The following ADAMTSL1 variants were observed in gnomAD, a reference collection of about 807,000 sequenced individuals.
ADAMTSL1 encodes the protein ADAMTS like 1, also known as ADAMTS-like protein 1.
ADAMTSL1 carries 126 observed loss-of-function variants against 201.8 expected under a neutral mutation model. The ratio of observed to expected loss-of-function variants is 0.62; its 90% CI spans 0.54 to 0.72. ADAMTSL1 has a LOEUF of 0.72. ADAMTSL1 is among the 30% of genes least tolerant of loss of function. The probability of loss-of-function intolerance (pLI) is 0.00; values close to 1 mark genes in which losing one functional copy is unlikely to be tolerated. For synonymous variants in ADAMTSL1, 1,121 were observed against 903.4 expected, an observed-to-expected ratio of 1.24 and a Z score of -4.32; for missense variants, 2,679 against 2,277.8, an observed-to-expected ratio of 1.18 and a Z score of -3.59.
At chr9:18,841,911 A>G (rs1006038358) in intron 23 of ADAMTSL1, among the ~76,000 whole-genome samples, 8 of 151,980 alleles carry the variant, frequency 5.3e-5, no homozygotes, top group East Asian at 1.9e-4. Flanking sequence ...TATTGCGTCT[A>G]TTTGATTCTT....
chr9:18,653,080 C>T (rs772756438), intron 7 of ADAMTSL1, among the ~76,000 whole-genome samples: 18 of 152,168 alleles, frequency 1.2e-4, no homozygotes, highest in South Asian at 2.1e-4. Flanking sequence ...AGATGCCAAG[C>T]GTTTAGAACT....
intron 2 of ADAMTSL1, among the ~76,000 whole-genome samples, chr9:18,465,868 C>A (rs557859047): frequency 6.6e-6 from 1 of 152,218 alleles, no homozygotes; most frequent in East Asian, 1.9e-4. Flanking sequence ...TCTGCCTCAG[C>A]CTCCAGAGTA....
intron 2 of ADAMTSL1, among the ~76,000 whole-genome samples, chr9:18,234,627 C>G (rs145144564): frequency 6.6e-6 from 1 of 152,170 alleles, no homozygotes; most frequent in Non-Finnish European, 1.5e-5. Flanking sequence ...CCCACCAAGA[C>G]TGACAATTGT....
Position 17,910,482 on chromosome 9 carries a change from C to G in ADAMTSL1, c.87+3560C>G, listed in dbSNP as rs1178308297. Among the ~76,000 whole-genome samples the G allele has an allele frequency of 4.4e-5, 3 of 68,464 alleles. 1 individual carries two copies. Among genetic ancestry groups the G allele is most frequent in the African/African-American group, 8.9e-5 (3 of 33,876 alleles). The allele number at this position is 68,464 out of a possible 152,430, so 44.9% of individuals were successfully genotyped here. A position where few individuals can be genotyped will look rare whatever the true frequency, so the allele number is the denominator to read the frequency against. ...TCCTAACATTACACACATGTTCTTT[C>G]CTGTGCCACTTCTTAACCATTTCTT... On this transcript the variant is annotated intron_variant, in intron 1 of 29. Transcript: ENST00000680146.
intron 1 of ADAMTSL1, among the ~76,000 whole-genome samples, chr9:17,908,432 T>C (rs966227971): frequency 6.6e-6 from 1 of 151,706 alleles, no homozygotes; most frequent in Non-Finnish European, 1.5e-5. Flanking sequence ...TAAAACCCAA[T>C]GTGCAAAAAT....
intron 1 of ADAMTSL1, among the ~76,000 whole-genome samples, chr9:18,017,200 T>C (rs542724673): frequency 1.3e-5 from 2 of 152,040 alleles, no homozygotes; most frequent in South Asian, 4.1e-4. Context: ...TTCATGTTGT[T>C]CTTTGCAAAG....
At chr9:18,235,229 T>C (rs939482466) in intron 2 of ADAMTSL1, among the ~76,000 whole-genome samples, 4 of 152,198 alleles carry the variant, frequency 2.6e-5, no homozygotes, top group African/African-American at 9.7e-5. Flanking sequence ...TGGGAAAATA[T>C]TAGTCAGGTA....
chr9:18,263,720 G>A (rs1291821992), intron 2 of ADAMTSL1, among the ~76,000 whole-genome samples: 1 of 152,132 alleles, frequency 6.6e-6, no homozygotes, highest in Non-Finnish European at 1.5e-5. Context: ...ATAAGGGTGG[G>A]GTCCTGACAT....
chr9:18,370,552 A>T (rs1836999334), intron 2 of ADAMTSL1, among the ~76,000 whole-genome samples: 1 of 152,182 alleles, frequency 6.6e-6, no homozygotes, highest in South Asian at 2.1e-4. Flanking sequence ...ATAGCTGTTC[A>T]TATTTGTATT....
At chr9:18,463,063 T>C (rs995001163) in intron 2 of ADAMTSL1, among the ~76,000 whole-genome samples, 26 of 152,128 alleles carry the variant, frequency 1.7e-4, no homozygotes, top group African/African-American at 6.3e-4. Flanking sequence ...CCATCTAAGC[T>C]AAAATAACCA....
chr9:18,299,050 G>T (rs1038675982), intron 2 of ADAMTSL1, among the ~76,000 whole-genome samples: 6 of 151,756 alleles, frequency 4.0e-5, no homozygotes, highest in African/African-American at 7.3e-5. Flanking sequence ...AATAGCCGCC[G>T]TTTTTGCTAA....
intron 1 of ADAMTSL1, among the ~76,000 whole-genome samples, chr9:18,160,565 G>A (rs77332202): frequency 6.6e-6 from 1 of 151,866 alleles, no homozygotes; most frequent in African/African-American, 2.4e-5. Context: ...AAAACTGCAA[G>A]GTGTTTTTTT....
chr9:18,730,821 C>T (rs1416359384), intron 15 of ADAMTSL1, among the ~76,000 whole-genome samples: 2 of 152,198 alleles, frequency 1.3e-5, no homozygotes, highest in Non-Finnish European at 2.9e-5. Flanking sequence ...AAAGTGGTGT[C>T]TTCTCTGTAA....
chr9:18,502,201 T>C (rs1822879397), intron 1 of ADAMTSL1, among the ~76,000 whole-genome samples: 1 of 152,246 alleles, frequency 6.6e-6, no homozygotes, highest in South Asian at 2.1e-4. Context: ...TTTGCAGTTG[T>C]AGTAACGGAT....
At chr9:18,632,484 G>A (rs982206167) in intron 5 of ADAMTSL1, among the ~76,000 whole-genome samples, 2 of 152,052 alleles carry the variant, frequency 1.3e-5, no homozygotes, top group African/African-American at 2.4e-5. Context: ...GGTTTCTTTG[G>A]TGCAGTGCTC....
intron 3 of ADAMTSL1, among the ~76,000 whole-genome samples, chr9:18,547,726 A>G (rs981583012): frequency 6.6e-6 from 1 of 151,758 alleles, no homozygotes; most frequent in Non-Finnish European, 1.5e-5. Flanking sequence ...TTTGATAGAC[A>G]TAGATACCAT....
rs557659161 is a variant in ADAMTSL1 at position 18,251,955 on chromosome 9, A to G, written c.207+87974A>G. 1.1e-4 allele frequency among the ~76,000 whole-genome samples: 16 copies of G among 152,338 alleles called. No individual in the cohort carries two copies. In the South Asian group the frequency reaches 1.5e-3, roughly 14 times the overall value. ...GAAAAAGCAAGCTAAACACCAATCC[A>G]TATTACAAAATGAATTCCAGATCAA... On this transcript the variant is annotated intron_variant, in intron 2 of 29. Transcript: ENST00000680146.
intron 23 of ADAMTSL1, among the ~76,000 whole-genome samples, chr9:18,866,660 G>A (rs1357451557): frequency 6.6e-6 from 1 of 152,194 alleles, no homozygotes; most frequent in Non-Finnish European, 1.5e-5. Context: ...ACAGCAGAGG[G>A]ACATTGCCTC....
At chr9:18,261,376 C>G (rs183344983) in intron 2 of ADAMTSL1, among the ~76,000 whole-genome samples, 14 of 152,234 alleles carry the variant, frequency 9.2e-5, no homozygotes, top group Middle Eastern at 6.8e-3. Flanking sequence ...CAATCTAACA[C>G]AGATAAATAA....
Sources: allele counts gnomAD v4.1 joint callset (sites outside exome capture counted in the v4.1 genomes callset), GRCh38; gene constraint gnomAD v4.1.1; transcripts MANE v1.5; gene names NCBI Gene and HGNC (gene_info 2026-07-23, HGNC 2026-07-21).